Variants in LONRF2 observed in about 807,000 individuals in gnomAD.
LONRF2 encodes LON peptidase N-terminal domain and RING finger protein 2.
A neutral mutation model predicts 66.6 loss-of-function variants in LONRF2; 35 were observed. The observed-to-expected ratio is 0.53, with a 90% CI of 0.40 to 0.70. The LOEUF is 0.70. LONRF2 is among the 30% of genes least tolerant of loss of function. The pLI is 0.00. For missense variants in LONRF2, 902 were observed against 1,002.1 expected (o/e 0.90, Z 1.35); for synonymous variants, 417 against 418.1 (o/e 1.00, Z 0.03).
rs750926308 is a variant in LONRF2, at chr2:100,283,195, T to C, written c.*1103A>G. The C allele has an allele frequency of 6.6e-6, 1 of 152,218 alleles. No individual in the cohort carries two copies. Among genetic ancestry groups the C allele is most frequent in the Non-Finnish European group, 1.5e-5 (1 of 68,040 alleles). The allele number at this position is 152,218 out of a possible 1,614,324, so 9.4% of individuals were successfully genotyped here. A position where few individuals can be genotyped will look rare whatever the true frequency, so the allele number is the denominator to read the frequency against. The stretch of plus-strand genomic sequence containing the variant: ...GTCCTTTAACAGATAACACCTGGTC[T>C]GATCACCGTAAAACTTTCTTTCAAA... On this transcript the variant is annotated 3_prime_UTR_variant, in exon 12 of 12. Coordinates refer to ENST00000393437, the MANE Select transcript of LONRF2 (RefSeq NM_198461.4).
intron 1 of LONRF2, among the ~76,000 whole-genome samples, chr2:100,310,610 A>T (rs1169457298): frequency 6.6e-6 from 1 of 152,264 alleles, no homozygotes; most frequent in Non-Finnish European, 1.5e-5. Flanking sequence ...ATATAGAGAA[A>T]GTATAACAAG....
rs377603026 is a variant in LONRF2, at chr2:100,299,924, T to G, written c.1066-6A>C. 1 of 1,570,210 alleles carries G rather than the reference T, an allele frequency of 6.4e-7. No homozygotes were observed. The highest frequency in any genetic ancestry group is 8.7e-7 in the Non-Finnish European group (1 of 1,151,468). On this transcript the variant is annotated splice_polypyrimidine_tract_variant and splice_region_variant and intron_variant, in intron 4 of 11. Coordinates refer to ENST00000393437, the MANE Select transcript of LONRF2 (RefSeq NM_198461.4). ...TCAGATTTCTCAGATGAATTCTGGTTAAGTGGGAAAAAAAGGAATCCTGAG... is the reference window on the plus strand; with the variant it reads ...TCAGATTTCTCAGATGAATTCTGGTGAAGTGGGAAAAAAAGGAATCCTGAG...
At chr2:100,298,737 T>G in intron 7 of LONRF2, 99 bp downstream of exon 7, 2 of 805,322 alleles carry the variant, frequency 2.5e-6, no homozygotes, top group East Asian at 5.0e-5. Flanking sequence ...TCTCAGTTTC[T>G]TTAACAACTG....
At chr2:100,310,137 C>T (rs551513710) in intron 1 of LONRF2, among the ~76,000 whole-genome samples, 1 of 141,858 alleles carries the variant, frequency 7.0e-6, no homozygotes, top group Non-Finnish European at 1.5e-5. Flanking sequence ...GACTTAAGTC[C>T]AGCTACACAG....
rs572272039 is a variant in LONRF2, at chr2:100,272,218, G to A, written c.*12080C>T. Among the ~76,000 whole-genome samples, 1 of 152,296 alleles carries A rather than the reference G, an allele frequency of 6.6e-6. No homozygotes were observed. The highest frequency in any genetic ancestry group is 2.1e-4 in the South Asian group (1 of 4,826). On this transcript the variant is annotated 3_prime_UTR_variant, in exon 12 of 12. Coordinates refer to ENST00000393437, the MANE Select transcript of LONRF2 (RefSeq NM_198461.4). ...AAAAAGATGATCAAAGAGTATGCAG[G>A]GTTAGGTGCAGTGGCTTATGCCTGC...
chr2:100,298,734 T>TA, intron 7 of LONRF2, 102 bp downstream of exon 7: 5 of 775,106 alleles, frequency 6.5e-6, no homozygotes, highest in Non-Finnish European at 1.1e-5. Flanking sequence ...AAATCTCAGT[T>TA]TCTTTAACAA....
chr2:100,319,095 C>T (rs974119738), intron 1 of LONRF2, among the ~76,000 whole-genome samples: 1 of 146,866 alleles, frequency 6.8e-6, no homozygotes, highest in Non-Finnish European at 1.5e-5. Context: ...ACACTTCAGC[C>T]TGGTGACAGA....
chr2:100,315,737 T>C (rs577590725), intron 1 of LONRF2, among the ~76,000 whole-genome samples: 7 of 152,230 alleles, frequency 4.6e-5, no homozygotes, highest in African/African-American at 7.2e-5. Context: ...TGGATTCAGT[T>C]TGCTAATATT....
chr2:100,300,581 T>G, intron 4 of LONRF2, 63 bp downstream of exon 4: 1 of 1,488,740 alleles, frequency 6.7e-7, no homozygotes, highest in Non-Finnish European at 9.1e-7. Context: ...GTAAACTGTT[T>G]AAAATGAAGC....
chr2:100,302,781 T>C, intron 3 of LONRF2, 140 bp downstream of exon 3: 1 of 773,410 alleles, frequency 1.3e-6, no homozygotes, highest in South Asian at 3.6e-5. Context: ...CTTACAATTA[T>C]TGCCATGCGT....
chr2:100,289,977 T>G (rs987142069), intron 10 of LONRF2, among the ~76,000 whole-genome samples: 1 of 152,056 alleles, frequency 6.6e-6, no homozygotes, highest in Non-Finnish European at 1.5e-5. Context: ...TGTGGTGGTG[T>G]GCACCTACAG....
chr2:100,286,620 A>C (rs902977817), intron 11 of LONRF2, among the ~76,000 whole-genome samples: 3 of 152,238 alleles, frequency 2.0e-5, no homozygotes, highest in Non-Finnish European at 4.4e-5. Context: ...TACTACTTAA[A>C]TTTTAAGATG....
intron 2 of LONRF2, among the ~76,000 whole-genome samples, chr2:100,308,499 G>C (rs1439186677): frequency 3.9e-5 from 6 of 152,034 alleles, no homozygotes; most frequent in African/African-American, 1.2e-4. Context: ...TTAATTTCAA[G>C]TTCTTTAAAA....
chr2:100,316,318 C>CAAAAAAA (rs57110532), intron 1 of LONRF2, among the ~76,000 whole-genome samples: 10 of 100,954 alleles, frequency 9.9e-5, no homozygotes, highest in African/African-American at 4.2e-4. Context: ...GACTCCATCT[C>CAAAAAAA]AAAAAAAAAA....
chr2:100,319,523 C>G (rs111852934), intron 1 of LONRF2, among the ~76,000 whole-genome samples: 9 of 152,156 alleles, frequency 5.9e-5, no homozygotes, highest in African/African-American at 2.2e-4. Flanking sequence ...TTTCATCCCC[C>G]CAAGGTAACC....
chr2:100,278,029 C>A lies in LONRF2; in HGVS notation c.*6269G>T, dbSNP rs13019179. The A allele has an allele frequency of 0.35, 52,791 of 151,956 alleles. 11,414 individuals carry two copies. Among genetic ancestry groups the A allele is most frequent in the East Asian group, 0.5 (2,539 of 5,126 alleles). The allele number at this position is 151,956 out of a possible 1,614,324, so 9.4% of individuals were successfully genotyped here. A position where few individuals can be genotyped will look rare whatever the true frequency, so the allele number is the denominator to read the frequency against. ...GGGCTCTGGGAAAAGGCATTCGCTACAACTTCCACAGCCCTGATAGGTTCC... is the reference window on the plus strand; with the variant it reads ...GGGCTCTGGGAAAAGGCATTCGCTAAAACTTCCACAGCCCTGATAGGTTCC... On this transcript the variant is annotated 3_prime_UTR_variant, in exon 12 of 12. Coordinates refer to ENST00000393437, the MANE Select transcript of LONRF2 (RefSeq NM_198461.4).
At chr2:100,286,080 G>T (rs991701634) in intron 11 of LONRF2, among the ~76,000 whole-genome samples, 1 of 152,034 alleles carries the variant, frequency 6.6e-6, no homozygotes, top group East Asian at 1.9e-4. Context: ...AGGACTTAAT[G>T]GCAATTTCTG....
chr2:100,280,156 T>C lies in LONRF2; in HGVS notation c.*4142A>G, dbSNP rs1401025609. The C allele has an allele frequency of 1.3e-5, 2 of 152,128 alleles. No homozygotes were observed. Among genetic ancestry groups the C allele is most frequent in the African/African-American group, 4.8e-5 (2 of 41,422 alleles). The allele number at this position is 152,128 out of a possible 1,614,324, so 9.4% of individuals were successfully genotyped here. On this transcript the variant is annotated 3_prime_UTR_variant, in exon 12 of 12. Transcript: ENST00000393437. Reference sequence around the variant, plus strand: ...GCTGAGTCACTGCTAAAAGGCTATTTTATAGAATTCAGCAGTTGAGAAGTG... The same window carrying C: ...GCTGAGTCACTGCTAAAAGGCTATTCTATAGAATTCAGCAGTTGAGAAGTG...
chr2:100,285,364 G>T (rs1674823237), intron 11 of LONRF2, among the ~76,000 whole-genome samples: 2 of 152,032 alleles, frequency 1.3e-5, no homozygotes, highest in Non-Finnish European at 2.9e-5. Context: ...CACAGATGGA[G>T]AAAACAACCT....
Sources: gnomAD v4.1 joint callset for allele counts (sites outside exome capture counted in the v4.1 genomes callset) on GRCh38, gnomAD v4.1.1 for gene constraint, MANE v1.5 for transcripts, NCBI Gene and HGNC (gene_info 2026-07-23, HGNC 2026-07-21) for gene names.